Variants in BRINP3 observed in about 807,000 individuals in gnomAD.
The protein encoded by BRINP3 is BMP/retinoic acid-inducible neural-specific protein 3.
Under a neutral mutation model 71.0 loss-of-function variants are expected in BRINP3, and 19 were observed. That is an observed-to-expected ratio of 0.27 (90% confidence interval 0.19 to 0.39). The LOEUF (loss-of-function observed/expected upper bound fraction) is 0.39, where lower values mean the gene tolerates loss of function less well. Among genes scored for constraint, BRINP3 ranks in the 10% least tolerant of loss-of-function variants. The pLI, the probability that BRINP3 is intolerant of heterozygous loss-of-function variation, is 1.00. For missense variants in BRINP3, 959 were observed against 940.8 expected, an observed-to-expected ratio of 1.02 and a Z score of -0.25; for synonymous variants, 380 against 337.7, an observed-to-expected ratio of 1.13 and a Z score of -1.37.
At chr1:190,282,736 T>A (rs1294377550) in intron 2 of BRINP3, among the ~76,000 whole-genome samples, 1 of 151,974 alleles carries the variant, frequency 6.6e-6, no homozygotes, top group East Asian at 1.9e-4. Context: ...CAAGTAGCCT[T>A]CTCCTTTTGG....
intron 7 of BRINP3, among the ~76,000 whole-genome samples, chr1:190,157,602 G>GTAATACATTTCAAATACATTGAAAT: frequency 6.6e-6 from 1 of 152,030 alleles, no homozygotes; most frequent in Non-Finnish European, 1.5e-5. Context: ...TGTATTACAT[G>GTAATACATTTCAAATACATTGAAAT]GTTTTCAAAT....
intron 2 of BRINP3, among the ~76,000 whole-genome samples, chr1:190,331,448 T>A (rs866451559): frequency 1.2e-4 from 18 of 152,052 alleles, no homozygotes; most frequent in African/African-American, 4.3e-4. Flanking sequence ...ATCATGCTTT[T>A]AACAGGTCTG....
At chr1:190,301,196 T>TATATAC (rs1427095206) in intron 2 of BRINP3, among the ~76,000 whole-genome samples, 19 of 36,728 alleles carry the variant, frequency 5.2e-4, no homozygotes, top group Admixed American at 2.3e-3. Context: ...TGTATATATA[T>TATATAC]ACACATACAT....
chr1:190,463,061 A>C (rs1252846059), intron 1 of BRINP3, among the ~76,000 whole-genome samples: 1 of 151,946 alleles, frequency 6.6e-6, no homozygotes, highest in East Asian at 1.9e-4. Flanking sequence ...ATTACATATG[A>C]TATTTATTGG....
Position 190,226,060 on chromosome 1 carries a change from TATATTAAA to T in BRINP3, c.961+14_961+21del, listed in dbSNP as rs752116455. ...ATTTTTTGTCAATATTTAAAAGTGT[TATATTAAA>T]ATACATGTCTTACCTGATTCCTCAA... is the stretch of plus-strand genomic sequence containing the variant. On this transcript the variant is annotated intron_variant, in intron 6 of 7. Coordinates refer to ENST00000367462, the MANE Select transcript of BRINP3 (RefSeq NM_199051.3). The T allele has an allele frequency of 7.1e-7, 1 of 1,410,804 alleles. No homozygotes were observed. Among genetic ancestry groups the T allele is most frequent in the East Asian group, 2.5e-5 (1 of 39,896 alleles). 87.4% of individuals were successfully genotyped at this position (1,410,804 alleles called of 1,614,324 possible).
At chr1:190,241,862 T>A (rs565056335) in intron 4 of BRINP3, among the ~76,000 whole-genome samples, 6 of 151,684 alleles carry the variant, frequency 4.0e-5, no homozygotes, top group Non-Finnish European at 7.4e-5. Flanking sequence ...AAAATTTTGA[T>A]GTTAAAAAAT....
intron 5 of BRINP3, among the ~76,000 whole-genome samples, chr1:190,229,598 T>G (rs1657746942): frequency 6.6e-6 from 1 of 150,456 alleles, no homozygotes; most frequent in Non-Finnish European, 1.5e-5. Context: ...CCTCAGGATT[T>G]AGTTACTAGA....
chr1:190,206,968 T>G (rs567481516), intron 6 of BRINP3, among the ~76,000 whole-genome samples: 2 of 143,580 alleles, frequency 1.4e-5, no homozygotes, highest in African/African-American at 5.4e-5. Flanking sequence ...CATGTTTGGG[T>G]TTTTTTTTTG....
chr1:190,453,201 G>C lies in BRINP3; in HGVS notation c.236+1454C>G, dbSNP rs1571351506. Among the ~76,000 whole-genome samples, 4 of 37,886 alleles carry C rather than the reference G, an allele frequency of 1.1e-4. No homozygotes were observed. In the South Asian group the frequency reaches 2.7e-3, roughly 26 times the overall value. The allele number at this position is 37,886 out of a possible 152,430, so 24.9% of individuals were successfully genotyped here. On this transcript the variant is annotated intron_variant, in intron 2 of 7. Transcript: ENST00000367462. ...CTACTTTTCAGAAAGAAAAACTTTA[G>C]TATTTTTTTTTTTTTTTTTTTTTTT... is the stretch of plus-strand genomic sequence containing the variant.
At chr1:190,404,226 A>G (rs913733370) in intron 2 of BRINP3, among the ~76,000 whole-genome samples, 2 of 152,176 alleles carry the variant, frequency 1.3e-5, no homozygotes, top group Non-Finnish European at 2.9e-5. Flanking sequence ...GTAGCAAATA[A>G]TAACTCATAC....
At chr1:190,216,009 T>C (rs1178339829) in intron 6 of BRINP3, among the ~76,000 whole-genome samples, 4 of 151,270 alleles carry the variant, frequency 2.6e-5, no homozygotes, top group African/African-American at 9.7e-5. Context: ...TGAAGTTTTT[T>C]ATTTATCCAA....
At chr1:190,161,763 A>G (rs972451018) in intron 6 of BRINP3, among the ~76,000 whole-genome samples, 1 of 152,192 alleles carries the variant, frequency 6.6e-6, no homozygotes, top group Non-Finnish European at 1.5e-5. Context: ...ATGAGCATAT[A>G]CAAAATGTAT....
chr1:190,300,369 C>G (rs977022995), intron 2 of BRINP3, among the ~76,000 whole-genome samples: 1 of 152,130 alleles, frequency 6.6e-6, no homozygotes, highest in African/African-American at 2.4e-5. Context: ...GCATTCTTCA[C>G]GTAGTTCTCA....
chr1:190,418,544 T>C (rs939245124), intron 2 of BRINP3, among the ~76,000 whole-genome samples: 1 of 152,212 alleles, frequency 6.6e-6, no homozygotes, highest in Non-Finnish European at 1.5e-5. Context: ...GTAGATATTC[T>C]ACTCTGATCA....
chr1:190,222,971 T>C (rs2102690822), intron 6 of BRINP3, among the ~76,000 whole-genome samples: 1 of 151,380 alleles, frequency 6.6e-6, no homozygotes. Context: ...GATTGAACAA[T>C]GAAGAAATAA....
intron 2 of BRINP3, among the ~76,000 whole-genome samples, chr1:190,400,867 T>G (rs1242610074): frequency 6.6e-6 from 1 of 152,192 alleles, no homozygotes; most frequent in Non-Finnish European, 1.5e-5. Context: ...ATAGTGCAAT[T>G]CCCTAACAAC....
intron 6 of BRINP3, among the ~76,000 whole-genome samples, chr1:190,177,382 G>A (rs1199750852): frequency 3.9e-5 from 5 of 128,254 alleles, no homozygotes; most frequent in African/African-American, 1.2e-4. Flanking sequence ...GTTTCACCGT[G>A]TTAGCCAGGA....
intron 2 of BRINP3, among the ~76,000 whole-genome samples, chr1:190,282,103 G>T (rs1663085663): frequency 2.6e-5 from 4 of 151,662 alleles, no homozygotes; most frequent in Admixed American, 1.3e-4. Context: ...ATTTTCTAAG[G>T]TATATTGGAA....
At chr1:190,339,346 G>C (rs1484271307) in intron 2 of BRINP3, among the ~76,000 whole-genome samples, 1 of 151,856 alleles carries the variant, frequency 6.6e-6, no homozygotes. Flanking sequence ...TTTTCCCTTT[G>C]TGGCTGGTAG....
Sources: gnomAD v4.1 joint callset for allele counts (sites outside exome capture counted in the v4.1 genomes callset) on GRCh38, gnomAD v4.1.1 for gene constraint, MANE v1.5 for transcripts, NCBI Gene and HGNC (gene_info 2026-07-23, HGNC 2026-07-21) for gene names.